The following TM9SF2 variants were observed in gnomAD, a reference collection of about 807,000 sequenced individuals.
TM9SF2 encodes 76 kDa membrane protein.
A neutral mutation model predicts 84.9 loss-of-function variants in TM9SF2; 13 were observed. The ratio of observed to expected loss-of-function variants is 0.15; its 90% confidence interval spans 0.10 to 0.24. The LOEUF (loss-of-function observed/expected upper bound fraction) is 0.24. Ranked by LOEUF, TM9SF2 falls within the 10% of genes least tolerant of loss-of-function variation. TM9SF2 has a pLI of 1.00. For missense variants in TM9SF2, 562 were observed against 818.5 expected (o/e 0.69, Z 3.82); for synonymous variants, 273 against 285.8 (o/e 0.96, Z 0.45).
At chr13:99,536,420 T>C (rs2046234795) in intron 4 of TM9SF2, among the ~76,000 whole-genome samples, 188 bp from the exon 5 acceptor site, 1 of 152,070 alleles carries the variant, frequency 6.6e-6, no homozygotes, top group Non-Finnish European at 1.5e-5. Context: ...ATCACTGCAG[T>C]GTATCAGATA....
intron 15 of TM9SF2, among the ~76,000 whole-genome samples, chr13:99,556,430 C>G (rs916279389): frequency 6.6e-6 from 1 of 152,172 alleles, no homozygotes; most frequent in Non-Finnish European, 1.5e-5. Flanking sequence ...TAGCAGCCAA[C>G]GGTCTGCTTT....
intron 3 of TM9SF2, among the ~76,000 whole-genome samples, chr13:99,527,508 C>T (rs1302966308): frequency 1.3e-5 from 2 of 152,226 alleles, no homozygotes; most frequent in South Asian, 2.1e-4. Flanking sequence ...CGTGGGGTAC[C>T]GCCCCCCATG....
intron 13 of TM9SF2, among the ~76,000 whole-genome samples, chr13:99,553,638 A>G (rs1057021927): frequency 6.6e-6 from 1 of 152,230 alleles, no homozygotes; most frequent in Non-Finnish European, 1.5e-5. Context: ...TATCATCACA[A>G]AAACTATAGA....
chr13:99,527,129 C>T (rs2046186962), intron 3 of TM9SF2, among the ~76,000 whole-genome samples: 1 of 152,000 alleles, frequency 6.6e-6, no homozygotes, highest in African/African-American at 2.4e-5. Context: ...AGGGGGGATA[C>T]ATTTTGGGAT....
chr13:99,509,603 C>G (rs141643157), intron 1 of TM9SF2, among the ~76,000 whole-genome samples: 7 of 152,316 alleles, frequency 4.6e-5, no homozygotes, highest in Non-Finnish European at 2.9e-5. Flanking sequence ...ATGGCTGGAG[C>G]TGGAGTGGCC....
chr13:99,539,376 C>A (rs2046248554), intron 6 of TM9SF2, 70 bp from the exon 7 acceptor site: 2 of 923,282 alleles, frequency 2.2e-6, no homozygotes, highest in African/African-American at 1.6e-5. Flanking sequence ...CGTACAAAAT[C>A]TGTAACCTTT....
At chr13:99,510,421 A>T (rs566987575) in intron 1 of TM9SF2, among the ~76,000 whole-genome samples, 12 of 152,302 alleles carry the variant, frequency 7.9e-5, no homozygotes, top group African/African-American at 2.4e-4. Flanking sequence ...GAAATACCTG[A>T]GACTGGGTAA....
chr13:99,517,772 C>A, intron 2 of TM9SF2, 91 bp downstream of exon 2: 2 of 779,734 alleles, frequency 2.6e-6, no homozygotes, highest in Non-Finnish European at 3.9e-6. Flanking sequence ...CAGTTATGGA[C>A]AAGCCTGAAA....
At position 99,559,681 on chromosome 13, in the gene TM9SF2, C is replaced by T. The variant is rs776168872; in HGVS notation, c.1924+147C>T. On this transcript the variant is annotated intron_variant, in intron 16 of 16. Transcript: ENST00000376387. ...TCAGCACAACTAGGCATAGTTGGGT[C>T]TGCCCACCTGTGAGTTGCATAAAGA... 8.4e-6 allele frequency: 6 copies of T among 716,770 alleles called. No homozygotes were observed. The South Asian group carries it at 1.2e-4, about 15-fold the overall frequency. The allele number at this position is 716,770 out of a possible 1,614,324, so 44.4% of individuals were successfully genotyped here.
At position 99,552,306 on chromosome 13, in the gene TM9SF2, T is replaced by A. The variant is rs771879728; in HGVS notation, c.1468T>A (p.Tyr490Asn). The change falls in exon 13 of 17, where the codon TAC becomes AAC. Residue 490 changes from tyrosine (Y) to asparagine (N), a missense_variant. This residue lies in a region of TM9SF2 where 219 missense variants were observed against 338.1 expected (regional missense o/e 0.65). Coordinates refer to ENST00000376387, the MANE Select transcript of TM9SF2 (RefSeq NM_004800.3). ...ISVPLTFIGA[Y>N]FGFKKNAIEH... is the part of the protein sequence containing the mutation. The stretch of plus-strand genomic sequence containing the variant: ...TGTGCCTCTGACGTTTATTGGTGCA[T>A]ACTTTGGTTTTAAGAAGAATGTAAG... The A allele has an allele frequency of 1.2e-6, 2 of 1,613,556 alleles. No individual in the cohort carries two copies.
chr13:99,501,528 T>C lies in TM9SF2; in HGVS notation c.-79T>C. The C allele has an allele frequency of 2.0e-6, 3 of 1,531,894 alleles. No individual in the cohort carries two copies. The highest frequency in any genetic ancestry group is 2.6e-6 in the Non-Finnish European group (3 of 1,135,706). 94.9% of individuals were successfully genotyped at this position (1,531,894 alleles called of 1,614,324 possible). A position where few individuals can be genotyped will look rare whatever the true frequency, so the allele number is the denominator to read the frequency against. On this transcript the variant is annotated 5_prime_UTR_variant, in exon 1 of 17. Transcript: ENST00000376387. The stretch of plus-strand genomic sequence containing the variant: ...GCTTCCTTTATCTCTGGCGGCCTTG[T>C]AGTCGTCTCCGAGACTCCCCACCCC...
chr13:99,555,612 A>G lies in TM9SF2; in HGVS notation c.1717A>G (p.Thr573Ala), dbSNP rs2139111539. Residue 573 changes from threonine (T) to alanine (A), a missense_variant, in exon 15 of 17, where the codon ACT (threonine) becomes GCT (alanine). Thr to Ala is a moderately conservative substitution (Grantham distance 58). This residue lies in a region of TM9SF2 where 63 missense variants were observed against 109.2 expected (regional missense o/e 0.58). Coordinates refer to ENST00000376387, the MANE Select transcript of TM9SF2 (RefSeq NM_004800.3). ...IILVITCSEA[T>A]ILLCYFHLCA... ...TTTGGTTATTACCTGTTCTGAAGCAACTATACTTCTTTGCTATTTCCACCT... is the reference window on the plus strand; with the variant it reads ...TTTGGTTATTACCTGTTCTGAAGCAGCTATACTTCTTTGCTATTTCCACCT... 3.7e-6 allele frequency: 6 copies of G among 1,613,962 alleles called. No individual in the cohort carries two copies. In the East Asian group the frequency reaches 1.1e-4, roughly 30 times the overall value.
intron 9 of TM9SF2, 31 bp downstream of exon 9, chr13:99,541,698 C>T (rs754623994): frequency 1.4e-6 from 2 of 1,413,216 alleles, no homozygotes; most frequent in Non-Finnish European, 2.0e-6. Context: ...CTTTAGTCTG[C>T]CAAGGACACT....
chr13:99,548,293 A>T (rs1033459478), intron 11 of TM9SF2, among the ~76,000 whole-genome samples: 1 of 152,232 alleles, frequency 6.6e-6, no homozygotes, highest in Non-Finnish European at 1.5e-5. Flanking sequence ...GACTGAAATT[A>T]TAGTAAACCC....
At chr13:99,554,931 T>C (rs1301743438) in intron 14 of TM9SF2, among the ~76,000 whole-genome samples, 1 of 152,218 alleles carries the variant, frequency 6.6e-6, no homozygotes, top group African/African-American at 2.4e-5. Context: ...TCCTTTGCAA[T>C]TCTCAGATGC....
intron 13 of TM9SF2, among the ~76,000 whole-genome samples, chr13:99,553,338 A>AT (rs2046313373): frequency 1.3e-5 from 2 of 152,190 alleles, no homozygotes; most frequent in Admixed American, 6.5e-5. Flanking sequence ...CTGCTGAAGG[A>AT]TTTTTTTAAA....
intron 15 of TM9SF2, among the ~76,000 whole-genome samples, chr13:99,557,733 A>G (rs947120188): frequency 2.0e-5 from 3 of 151,992 alleles, no homozygotes; most frequent in Non-Finnish European, 4.4e-5. Context: ...AAAAATAACA[A>G]AATTAGCTGG....
At chr13:99,557,403 T>G (rs2046328962) in intron 15 of TM9SF2, among the ~76,000 whole-genome samples, 1 of 152,188 alleles carries the variant, frequency 6.6e-6, no homozygotes, top group South Asian at 2.1e-4. Context: ...TGTAAGAGTT[T>G]ATTTATTTAT....
At chr13:99,538,638 A>T (rs1430952094) in intron 6 of TM9SF2, among the ~76,000 whole-genome samples, 1 of 152,028 alleles carries the variant, frequency 6.6e-6, no homozygotes, top group Non-Finnish European at 1.5e-5. Flanking sequence ...TCTACAGAAA[A>T]TGAATTCGCT....
Sources: gnomAD v4.1 joint callset for allele counts (sites outside exome capture counted in the v4.1 genomes callset) on GRCh38, gnomAD v4.1.1 for gene constraint, gnomAD v4.1.1 regional missense constraint, MANE v1.5 for transcripts, NCBI Gene and HGNC (gene_info 2026-07-23, HGNC 2026-07-21) for gene names.